The following SLCO3A1 variants were observed in gnomAD, a reference collection of about 807,000 sequenced individuals.
SLCO3A1 encodes the protein solute carrier organic anion transporter family member 3A1.
In SLCO3A1, 27 loss-of-function variants were observed where a neutral mutation model predicts 63.1. The ratio of observed to expected loss-of-function variants is 0.43; its 90% CI spans 0.32 to 0.59. The LOEUF is 0.59. Among genes scored for constraint, SLCO3A1 ranks in the 20% least tolerant of loss-of-function variants. The pLI is 0.09. For synonymous variants in SLCO3A1, 473 were observed against 409.9 expected, an observed-to-expected ratio of 1.15 and a Z score of -1.86; for missense variants, 773 against 945.8, an observed-to-expected ratio of 0.82 and a Z score of 2.40.
intron 1 of SLCO3A1, among the ~76,000 whole-genome samples, chr15:91,895,757 T>A (rs796493034): frequency 2.0e-5 from 3 of 152,388 alleles, no homozygotes; most frequent in African/African-American, 7.2e-5. Context: ...AGCTTTCTTC[T>A]ATCTAATCTT....
intron 4 of SLCO3A1, among the ~76,000 whole-genome samples, chr15:92,116,860 G>A (rs2047801509): frequency 6.6e-6 from 1 of 152,070 alleles, no homozygotes; most frequent in African/African-American, 2.4e-5. Context: ...AGAGGAAACT[G>A]TCATTTCTGG....
chr15:91,935,753 C>G (rs1308054319), intron 2 of SLCO3A1, among the ~76,000 whole-genome samples: 1 of 152,134 alleles, frequency 6.6e-6, no homozygotes, highest in Non-Finnish European at 1.5e-5. Flanking sequence ...GAGCAGGTAT[C>G]TGTGCCTATA....
chr15:91,869,419 C>T (rs952946713), intron 1 of SLCO3A1, among the ~76,000 whole-genome samples: 4 of 151,852 alleles, frequency 2.6e-5, no homozygotes, highest in Admixed American at 2.0e-4. Context: ...GCCTGTAATC[C>T]CAGCTACTCA....
chr15:92,051,690 TG>T (rs1229551796), intron 2 of SLCO3A1, among the ~76,000 whole-genome samples: 1 of 152,120 alleles, frequency 6.6e-6, no homozygotes, highest in Non-Finnish European at 1.5e-5. Flanking sequence ...GTGACCGTCT[TG>T]TGTGTGCTAG....
In SLCO3A1 at chr15:91,860,473, A is replaced by G. The variant is rs544669208; in HGVS notation, c.180+6385A>G. Among the ~76,000 whole-genome samples the G allele has an allele frequency of 6.6e-6, 1 of 152,354 alleles. No homozygotes were observed. Among genetic ancestry groups the G allele is most frequent in the East Asian group, 1.9e-4 (1 of 5,180 alleles). The stretch of plus-strand genomic sequence containing the variant: ...TACAGTATTCCACAGTTGCTTTAAC[A>G]GTAATGGTATAACCCTGCTCGTTGA... On this transcript the variant is annotated intron_variant, in intron 1 of 9. Coordinates refer to ENST00000318445, the MANE Select transcript of SLCO3A1 (RefSeq NM_013272.4). This position sits in a 1 kb window ranked among gnomAD's most constrained non-coding sequence, Gnocchi z 5.5.
chr15:92,067,143 C>G (rs929951066), intron 2 of SLCO3A1, among the ~76,000 whole-genome samples: 1 of 152,216 alleles, frequency 6.6e-6, no homozygotes, highest in Admixed American at 6.5e-5. Context: ...GGCCATCATG[C>G]CCACTGCTGT....
At chr15:92,021,301 A>G (rs556858304) in intron 2 of SLCO3A1, among the ~76,000 whole-genome samples, 7 of 152,324 alleles carry the variant, frequency 4.6e-5, no homozygotes, top group Admixed American at 1.3e-4. Flanking sequence ...CCCATTCTGT[A>G]TACATTTCTC....
intron 2 of SLCO3A1, among the ~76,000 whole-genome samples, chr15:91,944,752 A>C (rs1899743903): frequency 1.3e-5 from 2 of 151,960 alleles, no homozygotes; most frequent in African/African-American, 4.8e-5. Context: ...GGAGAAATCG[A>C]GGGGGCTTTT....
At position 91,939,372 on chromosome 15, in the gene SLCO3A1, C is replaced by T. The variant is rs77557781; in HGVS notation, c.646+22914C>T. Among the ~76,000 whole-genome samples, 573 of 152,270 alleles carry T rather than the reference C, an allele frequency of 3.8e-3. 22 individuals are homozygous for T. In the East Asian group the frequency reaches 0.091, roughly 24 times the overall value. On this transcript the variant is annotated intron_variant, in intron 2 of 9. Transcript: ENST00000318445. ...AATCCAATCACCTCCCGCCAGGCCC[C>T]ACTTCCAACATTGTGGATTGCAACT...
rs149862394 is a variant in SLCO3A1, at chr15:92,007,471, T to A, written c.647-87410T>A. Reference sequence around the variant, plus strand: ...AAGATGGGGTGGATGTCAGATGTTGTTTTGGGGGAGAACAGAGGAAGAGGA... The same window carrying A: ...AAGATGGGGTGGATGTCAGATGTTGATTTGGGGGAGAACAGAGGAAGAGGA... On this transcript the variant is annotated intron_variant, in intron 2 of 9. Coordinates refer to ENST00000318445, the MANE Select transcript of SLCO3A1 (RefSeq NM_013272.4). Among the ~76,000 whole-genome samples the A allele has an allele frequency of 3.9e-4, 59 of 152,130 alleles. 1 individual carries two copies. The highest frequency in any genetic ancestry group is 1.2e-3 in the African/African-American group (51 of 41,496).
chr15:92,095,050 T>A, intron 3 of SLCO3A1, 71 bp downstream of exon 3: 1 of 1,080,790 alleles, frequency 9.3e-7, no homozygotes, highest in Non-Finnish European at 1.4e-6. Context: ...GGCTTCAGCC[T>A]GTGGGTTCTA....
rs528012593 is a variant in SLCO3A1, at chr15:92,152,422, C to G, written c.1753+1408C>G. On this transcript the variant is annotated intron_variant, in intron 9 of 9. Transcript: ENST00000318445. The stretch of plus-strand genomic sequence containing the variant: ...ATGTTCCTTGGTATATACATGGGAA[C>G]TCAAATGGCATTGTCCTAAGTCTAA... Among the ~76,000 whole-genome samples the G allele has an allele frequency of 5.3e-5, 8 of 152,294 alleles. No individual in the cohort carries two copies. In the South Asian group the frequency reaches 1.7e-3, roughly 32 times the overall value.
chr15:92,038,816 A>G (rs2046759472), intron 2 of SLCO3A1, among the ~76,000 whole-genome samples: 2 of 152,222 alleles, frequency 1.3e-5, no homozygotes, highest in South Asian at 2.1e-4. Context: ...AGCAAAAAGA[A>G]CAAAGCTGGA....
intron 1 of SLCO3A1, among the ~76,000 whole-genome samples, chr15:91,876,942 G>T (rs190565933): frequency 6.6e-6 from 1 of 152,194 alleles, no homozygotes; most frequent in African/African-American, 2.4e-5. Flanking sequence ...GACTTTTGCC[G>T]ATATGTTTGG....
rs921636496 is a variant in SLCO3A1 at position 92,165,238 on chromosome 15, G to A, written c.*2103G>A. 3.0e-6 allele frequency: 3 copies of A among 985,268 alleles called. No individual in the cohort carries two copies. The highest frequency in any genetic ancestry group is 3.6e-6 in the Non-Finnish European group (3 of 829,926). The allele number at this position is 985,268 out of a possible 1,614,324, so 61.0% of individuals were successfully genotyped here. A position where few individuals can be genotyped will look rare whatever the true frequency, so the allele number is the denominator to read the frequency against. On this transcript the variant is annotated 3_prime_UTR_variant, in exon 10 of 10. Coordinates refer to ENST00000318445, the MANE Select transcript of SLCO3A1 (RefSeq NM_013272.4). ...CTGAGACAGGCCTTTCAACTGCTTA[G>A]TGTTAGTATGTCCTTGCTTATGAAA... is the stretch of plus-strand genomic sequence containing the variant.
chr15:92,131,219 T>G (rs899730238), intron 7 of SLCO3A1, among the ~76,000 whole-genome samples: 3 of 152,028 alleles, frequency 2.0e-5, no homozygotes, highest in African/African-American at 7.2e-5. Flanking sequence ...AAAGGAAAAA[T>G]AGTGTCTCCC....
intron 2 of SLCO3A1, among the ~76,000 whole-genome samples, chr15:91,966,898 G>C (rs1900680579): frequency 6.6e-6 from 1 of 152,190 alleles, no homozygotes; most frequent in Non-Finnish European, 1.5e-5. Flanking sequence ...AGAGAGCTGG[G>C]CTGCTGCACC....
At chr15:92,145,034 C>G (rs1380372037) in intron 7 of SLCO3A1, among the ~76,000 whole-genome samples, 1 of 152,062 alleles carries the variant, frequency 6.6e-6, no homozygotes, top group Non-Finnish European at 1.5e-5. Context: ...AGAGGAGGAC[C>G]AGGGAAACAG....
Position 92,162,975 on chromosome 15 carries a change from A to G in SLCO3A1, c.1973A>G (p.Asn658Ser), listed in dbSNP as rs758214776. ...AAAAACTATAAACGCTACATCAAAA[A>G]CCACGAGGGCGGGCTGAGCACCAGT... ...LRKNYKRYIK[N>S]HEGGLSTSEF... is the part of the protein sequence containing the mutation. The change falls in exon 10 of 10, where the codon AAC (asparagine) becomes AGC (serine). Residue 658 changes from asparagine to serine, a missense_variant. Physicochemically the swap from Asn to Ser is conservative, Grantham distance 46. This residue lies in a region of SLCO3A1 where 139 missense variants were observed against 131.4 expected (regional missense o/e 1.06). Transcript: ENST00000318445. The G allele has an allele frequency of 1.1e-5, 17 of 1,613,942 alleles. No individual in the cohort carries two copies. Among genetic ancestry groups the G allele is most frequent in the Non-Finnish European group, 1.2e-5 (14 of 1,179,948 alleles).
Sources: allele counts gnomAD v4.1 joint callset (sites outside exome capture counted in the v4.1 genomes callset), GRCh38; gene constraint gnomAD v4.1.1; regional missense constraint gnomAD v4.1.1; non-coding constraint Gnocchi (gnomAD v3.1); transcripts MANE v1.5; gene names NCBI Gene and HGNC (gene_info 2026-07-23, HGNC 2026-07-21).